Variants in CTSE observed in about 807,000 individuals in gnomAD.
The protein encoded by CTSE is cathepsin E.
Under a neutral mutation model 42.8 loss-of-function variants are expected in CTSE, and 43 were observed. That is an observed-to-expected ratio of 1.01 (90% confidence interval 0.79 to 1.30). CTSE has a LOEUF of 1.30. Among genes scored for constraint, CTSE ranks in the 50% most tolerant of loss-of-function variants. The pLI is 0.00. For synonymous variants in CTSE, 205 were observed against 191.5 expected, an observed-to-expected ratio of 1.07 and a Z score of -0.58; for missense variants, 532 against 493.5, an observed-to-expected ratio of 1.08 and a Z score of -0.74.
chr1:206,022,093 T>G, intron 3 of CTSE, 57 bp downstream of exon 3: 1 of 1,229,904 alleles, frequency 8.1e-7, no homozygotes. Context: ...GTACCAGGCT[T>G]GGCCTCCCAG....
intron 6 of CTSE, among the ~76,000 whole-genome samples, chr1:206,013,446 C>G (rs1661174850): frequency 6.6e-6 from 1 of 151,946 alleles, no homozygotes. Context: ...AGATCTGAGC[C>G]CAATTCACCT....
Position 206,013,815 on chromosome 1 carries a change from C to A in CTSE, c.742G>T (p.Val248Phe), listed in dbSNP as rs61742549. ...HSHFSGSLNWVPVTKQAYWQI... is the reference protein window; with the variant it reads ...HSHFSGSLNWFPVTKQAYWQI... Reference sequence around the variant, plus strand: ...CAGTAAGCTTGCTTGGTGACTGGGACCCAATTCAGGCTCCCAGAGAAATGG... The same window carrying A: ...CAGTAAGCTTGCTTGGTGACTGGGAACCAATTCAGGCTCCCAGAGAAATGG... Residue 248 changes from valine to phenylalanine, a missense_variant, in exon 6 of 9, where the codon GTC (valine) becomes TTC (phenylalanine). By Grantham distance (50) the Val-to-Phe change is conservative. Transcript: ENST00000358184. The A allele has an allele frequency of 4.3e-4, 696 of 1,613,694 alleles. 3 individuals are homozygous for A. The African/African-American group carries it at 6.7e-3, about 16-fold the overall frequency.
chr1:206,010,723 T>C (rs1553276839), intron 8 of CTSE, among the ~76,000 whole-genome samples: 1 of 152,142 alleles, frequency 6.6e-6, no homozygotes, highest in African/African-American at 2.4e-5. Flanking sequence ...CTGGTTTCTT[T>C]AGTTTCTAGT....
Position 206,023,764 on chromosome 1 carries a change from C to A in CTSE, c.28G>T (p.Val10Leu). Residue 10 changes from valine to leucine, a missense_variant, in exon 1 of 9, where the codon GTG becomes TTG. Coordinates refer to ENST00000358184, the MANE Select transcript of CTSE (RefSeq NM_001910.4). The stretch of plus-strand genomic sequence containing the variant: ...TGGGCCTCTCCCAGCTCCAGGAGCA[C>A]CAGCAGCAAAAGAAGGAGCGTTTTC... MKTLLLLLL[V>L]LLELGEAQGS... 1 of 1,613,734 alleles carries A rather than the reference C, an allele frequency of 6.2e-7. No homozygotes were observed. The highest frequency in any genetic ancestry group is 8.5e-7 in the Non-Finnish European group (1 of 1,179,800).
intron 4 of CTSE, among the ~76,000 whole-genome samples, chr1:206,018,285 T>G: frequency 6.6e-6 from 1 of 152,204 alleles, no homozygotes; most frequent in South Asian, 2.1e-4. Context: ...ACCCTTGGTA[T>G]GATCTTTTTA....
At chr1:206,020,429 C>T (rs569053009) in intron 4 of CTSE, among the ~76,000 whole-genome samples, 8 of 152,102 alleles carry the variant, frequency 5.3e-5, no homozygotes, top group African/African-American at 1.9e-4. Context: ...CTCTCTTTCT[C>T]CCAAGGCCCA....
At chr1:206,012,248 G>C in intron 8 of CTSE, 60 bp downstream of exon 8, 1 of 1,378,072 alleles carries the variant, frequency 7.3e-7, no homozygotes, top group East Asian at 2.3e-5. Flanking sequence ...ATTGAAAAGG[G>C]GAAGTGGCAG....
chr1:206,011,213 CATGATCTTCTAAA>C (rs575357987), intron 8 of CTSE, among the ~76,000 whole-genome samples: 74 of 152,058 alleles, frequency 4.9e-4, no homozygotes, highest in African/African-American at 1.6e-3. Flanking sequence ...CCGGTCAGGT[CATGATCTTCTAAA>C]ATGATCTTCT....
chr1:206,018,054 C>CT (rs1388514652), intron 4 of CTSE, among the ~76,000 whole-genome samples: 1 of 151,952 alleles, frequency 6.6e-6, no homozygotes, highest in Non-Finnish European at 1.5e-5. Context: ...AGAAGTCTCT[C>CT]GACAATTCAC....
chr1:206,015,926 C>G lies in CTSE; in HGVS notation c.662+5G>C. 6.2e-7 allele frequency: 1 copy of G among 1,613,388 alleles called. No homozygotes were observed. The highest frequency in any genetic ancestry group is 8.5e-7 in the Non-Finnish European group (1 of 1,179,456). ...CTTTAACCTCACAGACTTGATGGGC[C>G]TTACCTGCTCATGTAGACAGAAAAC... is the stretch of plus-strand genomic sequence containing the variant. On this transcript the variant is annotated splice_donor_5th_base_variant and intron_variant, in intron 5 of 8. Transcript: ENST00000358184.
intron 4 of CTSE, among the ~76,000 whole-genome samples, chr1:206,017,674 G>C (rs541187183): frequency 2.0e-5 from 3 of 151,772 alleles, no homozygotes; most frequent in Non-Finnish European, 4.4e-5. Flanking sequence ...ATTTTTAGTA[G>C]AGAAATGTTG....
At chr1:206,010,389 G>A (rs1661058668) in intron 8 of CTSE, 42 bp from the exon 9 acceptor site, 1 of 1,560,914 alleles carries the variant, frequency 6.4e-7, no homozygotes, top group Admixed American at 1.7e-5. Context: ...AACGGGGGAA[G>A]AAGGTAGTAG....
intron 4 of CTSE, among the ~76,000 whole-genome samples, chr1:206,016,992 T>G (rs1027463993): frequency 6.6e-6 from 1 of 152,010 alleles, no homozygotes; most frequent in Admixed American, 6.6e-5. Flanking sequence ...TTTGAAAAAA[T>G]TTGACTTTTT....
intron 2 of CTSE, 26 bp from the exon 3 acceptor site, chr1:206,022,293 A>AGGGTGT: frequency 6.5e-7 from 1 of 1,541,678 alleles, no homozygotes; most frequent in Middle Eastern, 1.7e-4. Context: ...AGAAGGAAAG[A>AGGGTGT]GGGTGTGGGT....
intron 8 of CTSE, among the ~76,000 whole-genome samples, chr1:206,011,972 T>C (rs1661112485): frequency 1.3e-5 from 2 of 152,126 alleles, no homozygotes. Context: ...TTCTCACCTA[T>C]AAAATGAGAT....
intron 4 of CTSE, 128 bp downstream of exon 4, chr1:206,020,921 C>G (rs1661397986): frequency 4.3e-6 from 3 of 693,252 alleles, no homozygotes; most frequent in South Asian, 1.7e-5. Context: ...GTTGCTTGCC[C>G]TTTCTCCTAG....
Position 206,009,945 on chromosome 1 carries a change from G to C in CTSE, c.*238C>G. 1 of 506,572 alleles carries C rather than the reference G, an allele frequency of 2.0e-6. No individual in the cohort carries two copies. Among genetic ancestry groups the C allele is most frequent in the Admixed American group, 3.5e-5 (1 of 28,560 alleles). 31.4% of individuals were successfully genotyped at this position (506,572 alleles called of 1,614,324 possible). On this transcript the variant is annotated 3_prime_UTR_variant, in exon 9 of 9. Transcript: ENST00000358184. ...TCAAAAATCAATACAAAATATGAATGTATAACGTAATTCCTCCATCATGAC... is the reference window on the plus strand; with the variant it reads ...TCAAAAATCAATACAAAATATGAATCTATAACGTAATTCCTCCATCATGAC...
chr1:206,022,303 T>G, intron 2 of CTSE, 36 bp from the exon 3 acceptor site: 2 of 1,471,548 alleles, frequency 1.4e-6, no homozygotes, highest in Non-Finnish European at 1.9e-6. Context: ...AGGGTGTGGG[T>G]GGTGGGGAGG....
intron 2 of CTSE, among the ~76,000 whole-genome samples, chr1:206,022,481 C>T (rs927687934): frequency 6.6e-6 from 1 of 152,064 alleles, no homozygotes; most frequent in Admixed American, 6.5e-5. Context: ...CCTCTGGCTA[C>T]TTCATTTGAT....
Sources: allele counts gnomAD v4.1 joint callset (sites outside exome capture counted in the v4.1 genomes callset), GRCh38; gene constraint gnomAD v4.1.1; transcripts MANE v1.5; gene names NCBI Gene and HGNC (gene_info 2026-07-23, HGNC 2026-07-21).